The following CAST variants were observed in gnomAD, a reference collection of about 807,000 sequenced individuals.
CAST encodes the protein MIR583 host.
A neutral mutation model predicts 119.6 loss-of-function variants in CAST; 76 were observed. That is an observed-to-expected ratio of 0.64 (90% CI 0.53 to 0.77). The LOEUF is 0.77. Ranked by LOEUF, CAST falls within the 30% of genes least tolerant of loss-of-function variation. The pLI, the probability that CAST is intolerant of heterozygous loss-of-function variation, is 0.00. For missense variants in CAST, 953 were observed against 946.5 expected, an observed-to-expected ratio of 1.01 and a Z score of -0.09; for synonymous variants, 319 against 331.6, an observed-to-expected ratio of 0.96 and a Z score of 0.41.
the CAST span, among the ~76,000 whole-genome samples, chr5:96,335,129 C>T: frequency 6.6e-6 from 1 of 152,178 alleles, no homozygotes; most frequent in African/African-American, 2.4e-5. Flanking sequence ...CAAGCTTACT[C>T]ATCTCCTTCC....
At chr5:96,718,012 G>A (rs973226074) in intron 3 of CAST, among the ~76,000 whole-genome samples, 1 of 152,320 alleles carries the variant, frequency 6.6e-6, no homozygotes, top group East Asian at 1.9e-4. Context: ...TAGACCTGGA[G>A]TAGGGTAGCA....
chr5:96,665,357 C>A (rs957885138), intron 1 of CAST, among the ~76,000 whole-genome samples: 1 of 152,108 alleles, frequency 6.6e-6, no homozygotes. Flanking sequence ...AGTGTATAAG[C>A]CATTGAGATA....
At chr5:96,151,104 T>C in the CAST span, among the ~76,000 whole-genome samples, 1 of 152,114 alleles carries the variant, frequency 6.6e-6, no homozygotes, top group Non-Finnish European at 1.5e-5. Context: ...AGGTTTAGAG[T>C]TCTGATATTA....
At chr5:96,436,174 A>G in the CAST span, among the ~76,000 whole-genome samples, 2 of 152,230 alleles carry the variant, frequency 1.3e-5, no homozygotes, top group African/African-American at 4.8e-5. Flanking sequence ...TTAGTCTGTA[A>G]TTAAACTAGA....
chr5:96,028,621 A>G, the CAST span, among the ~76,000 whole-genome samples: 2 of 152,050 alleles, frequency 1.3e-5, no homozygotes, highest in South Asian at 4.1e-4. Flanking sequence ...TGTTAATGTA[A>G]GAGATGAGGA....
the CAST span, among the ~76,000 whole-genome samples, chr5:96,005,700 G>A: frequency 3.9e-5 from 6 of 151,988 alleles, no homozygotes; most frequent in Non-Finnish European, 5.9e-5. Context: ...CTATTTAAAC[G>A]TGTGATAGGG....
chr5:96,626,353 C>T (rs1747723179), intron 1 of CAST, among the ~76,000 whole-genome samples: 2 of 152,162 alleles, frequency 1.3e-5, no homozygotes, highest in Admixed American at 1.3e-4. Flanking sequence ...TAGGTAAGGT[C>T]CTCTCTCATC....
the CAST span, among the ~76,000 whole-genome samples, chr5:96,074,876 T>C: frequency 6.6e-6 from 1 of 152,228 alleles, no homozygotes; most frequent in African/African-American, 2.4e-5. Context: ...TGTATCTTGT[T>C]TGCATATTCC....
At chr5:96,102,991 T>C in the CAST span, among the ~76,000 whole-genome samples, 5 of 152,140 alleles carry the variant, frequency 3.3e-5, no homozygotes, top group Non-Finnish European at 7.4e-5. Flanking sequence ...TACCTATTAA[T>C]ATTTTGTTCC....
chr5:96,187,090 G>A, the CAST span, among the ~76,000 whole-genome samples: 4 of 152,146 alleles, frequency 2.6e-5, no homozygotes, highest in Non-Finnish European at 5.9e-5. Context: ...GGCTGTATGT[G>A]TCCAGGAGTT....
chr5:96,486,255 C>T, the CAST span, among the ~76,000 whole-genome samples: 2 of 152,112 alleles, frequency 1.3e-5, no homozygotes, highest in Non-Finnish European at 2.9e-5. Context: ...TGGCAACGTA[C>T]AGCCCCAGAA....
chr5:96,740,821 GT>G, intron 13 of CAST, 38 bp downstream of exon 13: 1 of 1,423,680 alleles, frequency 7.0e-7, no homozygotes, highest in Non-Finnish European at 9.9e-7. Flanking sequence ...TAAATTAATA[GT>G]TTTATATTTT....
Position 96,538,078 on chromosome 5 carries a change from T to C in CAST, c.60+8198T>C, listed in dbSNP as rs570938767. ...TGAAAACCCCAGTCAGAGCATGCAA[T>C]CTACACACAAGGCAAAGACTGGTTA... On this transcript the variant is annotated intron_variant, in intron 1 of 11. Coordinates refer to the CAST transcript ENST00000505143. 4.6e-5 allele frequency among the ~76,000 whole-genome samples: 7 copies of C among 152,252 alleles called. No homozygotes were observed. In the East Asian group the frequency reaches 1.4e-3, roughly 29 times the overall value.
the CAST span, among the ~76,000 whole-genome samples, chr5:96,291,981 T>G: frequency 6.6e-5 from 10 of 152,258 alleles, no homozygotes; most frequent in East Asian, 1.7e-3. Context: ...ACTTAAGTTC[T>G]TAGGCATTTG....
At chr5:96,677,907 G>T (rs1437702523) in intron 2 of CAST, among the ~76,000 whole-genome samples, 2 of 152,178 alleles carry the variant, frequency 1.3e-5, no homozygotes, top group African/African-American at 2.4e-5. Context: ...AAGCATGGGG[G>T]TGGGTGACTT....
the CAST span, among the ~76,000 whole-genome samples, chr5:96,323,627 T>C: frequency 2.0e-5 from 3 of 152,218 alleles, no homozygotes; most frequent in Admixed American, 6.5e-5. Context: ...TGCTTGTTGG[T>C]ATCTAGTCAA....
At position 96,582,752 on chromosome 5, in the gene CAST, A is replaced by T. The variant is rs544357661; in HGVS notation, c.60+52872A>T. On this transcript the variant is annotated intron_variant, in intron 1 of 11. Coordinates refer to the CAST transcript ENST00000505143. The stretch of plus-strand genomic sequence containing the variant: ...GTGTTTAAAATATGTTTAAATAATT[A>T]TTTTTAAAAAACTAATTAAAAACCA... Among the ~76,000 whole-genome samples, 4 of 152,356 alleles carry T rather than the reference A, an allele frequency of 2.6e-5. No homozygotes were observed. In the East Asian group the frequency reaches 5.8e-4, roughly 22 times the overall value.
chr5:96,279,001 T>A, the CAST span, among the ~76,000 whole-genome samples: 4 of 152,260 alleles, frequency 2.6e-5, no homozygotes, highest in African/African-American at 9.6e-5. Context: ...CAGCTATTAA[T>A]GCTATATCAG....
the CAST span, among the ~76,000 whole-genome samples, chr5:96,151,652 T>C: frequency 6.6e-6 from 1 of 152,150 alleles, no homozygotes; most frequent in Non-Finnish European, 1.5e-5. Flanking sequence ...GGATGGGAGT[T>C]CCTCTAGGGT....
Sources: allele counts gnomAD v4.1 joint callset (sites outside exome capture counted in the v4.1 genomes callset), GRCh38; gene constraint gnomAD v4.1.1; transcripts MANE v1.5; gene names NCBI Gene and HGNC (gene_info 2026-07-23, HGNC 2026-07-21).